Variants in LRRC7 observed in about 807,000 individuals in gnomAD.
The protein encoded by LRRC7 is leucine-rich repeat-containing protein 7.
Under a neutral mutation model 175.7 loss-of-function variants are expected in LRRC7, and 23 were observed. The ratio of observed to expected loss-of-function variants is 0.13; its 90% CI spans 0.09 to 0.19. The LOEUF is 0.19. LRRC7 is among the 10% of genes least tolerant of loss of function. The pLI is 1.00. For synonymous variants in LRRC7, 685 were observed against 680.9 expected (o/e 1.01, Z -0.09); for missense variants, 1,354 against 1,904.7 (o/e 0.71, Z 5.38).
chr1:69,599,140 T>TAA (rs34773913), intron 1 of LRRC7, among the ~76,000 whole-genome samples: 36 of 145,412 alleles, frequency 2.5e-4, no homozygotes, highest in African/African-American at 6.4e-4. Context: ...AGTTTTACAA[T>TAA]AAAAAAAAAA....
chr1:69,568,365 TC>T lies in LRRC7; in HGVS notation c.-270del. The T allele has an allele frequency of 9.5e-6, 2 of 209,444 alleles. No individual in the cohort carries two copies. The highest frequency in any genetic ancestry group is 5.5e-5 in the South Asian group (1 of 18,142). 13.0% of individuals were successfully genotyped at this position (209,444 alleles called of 1,614,324 possible). A position where few individuals can be genotyped will look rare whatever the true frequency, so the allele number is the denominator to read the frequency against. The stretch of plus-strand genomic sequence containing the variant: ...GCTGGGGAGTGGACGCGCTCCTGCC[TC>T]CCCCGCCGGCGCTTCGGGCTTCCCC... On this transcript the variant is annotated 5_prime_UTR_variant, in exon 1 of 27. Coordinates refer to ENST00000651989, the MANE Select transcript of LRRC7 (RefSeq NM_001370785.2).
Position 70,131,303 on chromosome 1 carries a change from G to T in LRRC7, c.*9416G>T, listed in dbSNP as rs1428193436. 6.6e-6 allele frequency among the ~76,000 whole-genome samples: 1 copy of T among 152,138 alleles called. No homozygotes were observed. Among genetic ancestry groups the T allele is most frequent in the Non-Finnish European group, 1.5e-5 (1 of 68,010 alleles). On this transcript the variant is annotated 3_prime_UTR_variant, in exon 27 of 27. Coordinates refer to ENST00000651989, the MANE Select transcript of LRRC7 (RefSeq NM_001370785.2). Reference sequence around the variant, plus strand: ...GAATCCAGCCCCTTAAAACAAAAATGATATCTAACTGGGAATCTAATGATA... The same window carrying T: ...GAATCCAGCCCCTTAAAACAAAAATTATATCTAACTGGGAATCTAATGATA...
intron 1 of LRRC7, among the ~76,000 whole-genome samples, chr1:69,641,151 G>C (rs182108824): frequency 6.6e-6 from 1 of 151,284 alleles, no homozygotes; most frequent in African/African-American, 2.4e-5. Flanking sequence ...TTTTACATTA[G>C]GAATAAATTC....
In LRRC7 at chr1:69,937,663, G is replaced by A. The variant is rs148146717; in HGVS notation, c.711+6093G>A. Among the ~76,000 whole-genome samples, 1,222 of 151,932 alleles carry A rather than the reference G, an allele frequency of 8.0e-3. 13 individuals carry two copies. Among genetic ancestry groups the A allele is most frequent in the African/African-American group, 0.027 (1,118 of 41,480 alleles). On this transcript the variant is annotated intron_variant, in intron 8 of 26. Transcript: ENST00000651989. ...TCAATTTTGGAAAATTATCAGCCCT[G>A]TCTCTTTAAATGTTTCCTTTTACCT...
At chr1:69,945,823 TATG>T (rs1172656678) in intron 8 of LRRC7, among the ~76,000 whole-genome samples, 1 of 152,180 alleles carries the variant, frequency 6.6e-6, no homozygotes, top group Admixed American at 6.6e-5. Context: ...CTATTAATTT[TATG>T]TTGATTTTGT....
At chr1:69,973,058 T>C (rs1305149386) in intron 8 of LRRC7, among the ~76,000 whole-genome samples, 1 of 145,930 alleles carries the variant, frequency 6.9e-6, no homozygotes, top group Admixed American at 7.0e-5. Flanking sequence ...TAATACTATA[T>C]ATATAAAGTA....
chr1:69,993,878 C>T (rs1242531671), intron 10 of LRRC7, among the ~76,000 whole-genome samples: 2 of 152,044 alleles, frequency 1.3e-5, no homozygotes, highest in Non-Finnish European at 2.9e-5. Context: ...AGCTGTTCTT[C>T]AATTACTGTG....
At chr1:69,816,045 A>G (rs1678555689) in intron 4 of LRRC7, among the ~76,000 whole-genome samples, 1 of 151,886 alleles carries the variant, frequency 6.6e-6, no homozygotes, top group Non-Finnish European at 1.5e-5. Flanking sequence ...CAGTGGCATG[A>G]TCTCAGCTCA....
chr1:70,039,569 G>A lies in LRRC7; in HGVS notation c.3745G>A (p.Gly1249Ser), dbSNP rs148653369. 9.9e-6 allele frequency: 16 copies of A among 1,613,936 alleles called. No homozygotes were observed. Among genetic ancestry groups the A allele is most frequent in the African/African-American group, 1.3e-5 (1 of 74,904 alleles). The change falls in exon 21 of 27, where the codon GGT becomes AGT. Residue 1249 changes from glycine to serine, a missense_variant. Gly to Ser is a moderately conservative substitution (Grantham distance 56). Coordinates refer to ENST00000651989, the MANE Select transcript of LRRC7 (RefSeq NM_001370785.2). ...GAGAAGCTACAGTACAGAGAGTTACGGTGCCTCCCAAACCAGGCCAGTTTC... is the reference window on the plus strand; with the variant it reads ...GAGAAGCTACAGTACAGAGAGTTACAGTGCCTCCCAAACCAGGCCAGTTTC... ...SARSYSTESY[G>S]ASQTRPVSAR...
intron 3 of LRRC7, among the ~76,000 whole-genome samples, chr1:69,780,000 TCTC>T (rs1282060030): frequency 7.9e-5 from 12 of 152,172 alleles, no homozygotes; most frequent in Non-Finnish European, 1.6e-4. Context: ...CTTAATGATT[TCTC>T]CTCTTAGCTG....
At chr1:69,609,408 A>G (rs1648332957) in intron 1 of LRRC7, among the ~76,000 whole-genome samples, 1 of 152,078 alleles carries the variant, frequency 6.6e-6, no homozygotes, top group African/African-American at 2.4e-5. Context: ...TTATTAGTTT[A>G]TCTTAATTTT....
chr1:69,797,903 A>G (rs1246863656), intron 4 of LRRC7, among the ~76,000 whole-genome samples: 1 of 151,780 alleles, frequency 6.6e-6, no homozygotes, highest in Non-Finnish European at 1.5e-5. Flanking sequence ...CATGATTTGC[A>G]CTTTGTTTTT....
At chr1:69,889,500 A>G (rs991745136) in intron 7 of LRRC7, among the ~76,000 whole-genome samples, 2 of 152,200 alleles carry the variant, frequency 1.3e-5, no homozygotes, top group African/African-American at 4.8e-5. Flanking sequence ...TACCAGGAGT[A>G]GATTCCATCT....
chr1:70,078,828 A>ACACG (rs1553200930), intron 24 of LRRC7, among the ~76,000 whole-genome samples: 4 of 137,226 alleles, frequency 2.9e-5, no homozygotes, highest in South Asian at 2.2e-4. Flanking sequence ...ACACACGCAC[A>ACACG]CACACACACA....
chr1:69,903,516 A>C (rs988307456), intron 7 of LRRC7, among the ~76,000 whole-genome samples: 2 of 152,314 alleles, frequency 1.3e-5, no homozygotes, highest in East Asian at 3.9e-4. Context: ...CCTATACCAC[A>C]TGGGCCCTTA....
chr1:70,075,928 C>G lies in LRRC7; in HGVS notation c.4231-149C>G, dbSNP rs907507555. 6.5e-5 allele frequency: 48 copies of G among 737,822 alleles called. No individual in the cohort carries two copies. The Middle Eastern group carries it at 2.0e-3, about 31-fold the overall frequency. The allele number at this position is 737,822 out of a possible 1,614,324, so 45.7% of individuals were successfully genotyped here. ...TTTTCACAAACCACAGTAGGCAGAC[C>G]CTTACTGTTTCTTCATTATCCTTTC... On this transcript the variant is annotated intron_variant, in intron 23 of 26. Coordinates refer to ENST00000651989, the MANE Select transcript of LRRC7 (RefSeq NM_001370785.2).
intron 5 of LRRC7, among the ~76,000 whole-genome samples, chr1:69,829,556 C>A (rs948080574): frequency 4.0e-5 from 6 of 151,794 alleles, no homozygotes; most frequent in African/African-American, 1.4e-4. Context: ...AACACCATAT[C>A]TCATTTGTTC....
At chr1:69,837,933 A>T (rs1054717323) in intron 6 of LRRC7, among the ~76,000 whole-genome samples, 6 of 151,528 alleles carry the variant, frequency 4.0e-5, no homozygotes, top group African/African-American at 1.4e-4. Flanking sequence ...TTTTTATTTT[A>T]ATTTTTAATT....
chr1:69,897,317 T>C (rs1379956299), intron 7 of LRRC7, among the ~76,000 whole-genome samples: 2 of 152,224 alleles, frequency 1.3e-5, no homozygotes, highest in African/African-American at 2.4e-5. Context: ...CCTTTAGAAC[T>C]TCAATAAAAT....
Sources: allele counts gnomAD v4.1 joint callset (sites outside exome capture counted in the v4.1 genomes callset), GRCh38; gene constraint gnomAD v4.1.1; transcripts MANE v1.5; gene names NCBI Gene and HGNC (gene_info 2026-07-23, HGNC 2026-07-21).